WDR27: variants seen among roughly 807,000 people sequenced by gnomAD.
The protein encoded by WDR27 is WD repeat domain 27.
Under a neutral mutation model 114.4 loss-of-function variants are expected in WDR27, and 100 were observed. The observed-to-expected ratio is 0.87, with a 90% CI of 0.74 to 1.03. The LOEUF (loss-of-function observed/expected upper bound fraction) is 1.03, where lower values mean the gene tolerates loss of function less well. Among genes scored for constraint, WDR27 ranks in the 50% least tolerant of loss-of-function variants. The pLI is 0.00. For synonymous variants in WDR27, 449 were observed against 423.1 expected (o/e 1.06, Z -0.75); for missense variants, 1,129 against 1,092.9 (o/e 1.03, Z -0.47).
At chr6:169,456,060 A>C (rs1784334379), downstream of WDR27, among the ~76,000 whole-genome samples, 2 of 152,210 alleles carry the variant, frequency 1.3e-5, no homozygotes, top group South Asian at 4.1e-4. The surrounding 1 kb of genome is among the most constrained non-coding windows in gnomAD (Gnocchi z 4.0). Context: ...GAAATTAAGA[A>C]TATTAAATAA....
chr6:169,582,178 T>A (rs1239411928), intron 24 of WDR27, among the ~76,000 whole-genome samples: 2 of 152,166 alleles, frequency 1.3e-5, no homozygotes, highest in Non-Finnish European at 2.9e-5. Flanking sequence ...TTTCGCCATG[T>A]TGGCCAGGCT....
intron 2 of WDR27, among the ~76,000 whole-genome samples, chr6:169,677,899 C>T (rs9383515): frequency 0.089 from 13,569 of 152,254 alleles, 1,795 homozygotes; most frequent in East Asian, 0.6. Context: ...ATTAAGCCTG[C>T]GGGTGCACAG....
At chr6:169,603,288 T>G (rs970489178) in intron 22 of WDR27, among the ~76,000 whole-genome samples, 2 of 147,562 alleles carry the variant, frequency 1.4e-5, no homozygotes, top group Non-Finnish European at 2.9e-5. Flanking sequence ...TGAACTGTAG[T>G]GTACTACTGA....
At chr6:169,456,005 C>T (rs1288309511), downstream of WDR27, among the ~76,000 whole-genome samples, 4 of 151,990 alleles carry the variant, frequency 2.6e-5, no homozygotes, top group Admixed American at 6.6e-5. This position sits in a 1 kb window ranked among gnomAD's most constrained non-coding sequence, Gnocchi z 4.0. Flanking sequence ...AAAACCATAG[C>T]AATATGTGTC....
chr6:169,564,708 G>C (rs535636421), intron 25 of WDR27, among the ~76,000 whole-genome samples: 5 of 151,514 alleles, frequency 3.3e-5, no homozygotes, highest in Admixed American at 2.0e-4. Context: ...GCTCCCACGA[G>C]ACTCTCAGGC....
intron 25 of WDR27, among the ~76,000 whole-genome samples, chr6:169,507,726 A>G (rs1307629728): frequency 6.6e-6 from 1 of 152,234 alleles, no homozygotes; most frequent in East Asian, 1.9e-4. Context: ...AAATGGTTGA[A>G]AACACTAAAG....
intron 25 of WDR27, among the ~76,000 whole-genome samples, chr6:169,482,681 G>A (rs920981201): frequency 5.9e-5 from 9 of 152,062 alleles, no homozygotes; most frequent in Non-Finnish European, 8.8e-5. Flanking sequence ...TAGACCAAAC[G>A]GACCTGATAA....
intron 21 of WDR27, among the ~76,000 whole-genome samples, chr6:169,630,477 G>A (rs961562425): frequency 5.3e-5 from 8 of 152,174 alleles, no homozygotes; most frequent in East Asian, 3.8e-4. Context: ...ATGTCTTTGC[G>A]TGGAAGTTTC....
At chr6:169,517,049 A>G (rs3006207) in intron 25 of WDR27, among the ~76,000 whole-genome samples, 67,256 of 151,928 alleles carry the variant, frequency 0.44, 18,723 homozygotes, top group Non-Finnish European at 0.63. Flanking sequence ...GTAATCTCCA[A>G]TGTTGGAGAT....
chr6:169,654,524 T>A (rs1432060593), intron 13 of WDR27, among the ~76,000 whole-genome samples: 7 of 152,194 alleles, frequency 4.6e-5, no homozygotes, highest in Non-Finnish European at 8.8e-5. Flanking sequence ...AAGACACCTC[T>A]GTATCGTCAC....
At chr6:169,578,687 C>T (rs937613986) in intron 24 of WDR27, among the ~76,000 whole-genome samples, 10 of 152,064 alleles carry the variant, frequency 6.6e-5, no homozygotes, top group South Asian at 2.1e-4. Context: ...AACAAAGCTG[C>T]GGACAAGAAC....
At chr6:169,475,202 T>G (rs1167174643) in intron 25 of WDR27, among the ~76,000 whole-genome samples, 1 of 152,232 alleles carries the variant, frequency 6.6e-6, no homozygotes, top group Non-Finnish European at 1.5e-5. Context: ...AATATTATCC[T>G]ATATTTTCTT....
intron 4 of WDR27, 175 bp downstream of exon 4, chr6:169,670,394 G>C: frequency 1.7e-6 from 1 of 591,748 alleles, no homozygotes; most frequent in East Asian, 3.0e-5. Context: ...TGATACCAGT[G>C]GTTTTCCAAT....
chr6:169,638,745 A>G (rs1818366394), intron 17 of WDR27, 85 bp from the exon 18 acceptor site: 5 of 1,488,626 alleles, frequency 3.4e-6, no homozygotes. Flanking sequence ...ACTTTCATAC[A>G]ACACAACTGG....
At position 169,611,548 on chromosome 6, in the gene WDR27, C is replaced by T. The variant is rs142282549; in HGVS notation, c.2321+2011G>A. On this transcript the variant is annotated intron_variant, in intron 22 of 25. Coordinates refer to ENST00000448612, the MANE Select transcript of WDR27 (RefSeq NM_182552.5). ...CTCAAACTCCTGACCTCAGGTGATC[C>T]GCCCACCTCGGCCTCCCAAAGCTAA... is the stretch of plus-strand genomic sequence containing the variant. Among the ~76,000 whole-genome samples the T allele has an allele frequency of 1.3e-3, 202 of 152,050 alleles. 3 individuals are homozygous for T. In the East Asian group the frequency reaches 0.031, roughly 24 times the overall value.
intron 25 of WDR27, among the ~76,000 whole-genome samples, chr6:169,483,687 G>A (rs528226185): frequency 7.2e-4 from 109 of 151,762 alleles, no homozygotes; most frequent in Non-Finnish European, 1.4e-3. Flanking sequence ...CCAAAACATG[G>A]CAAACACAAA....
At chr6:169,599,346 T>G (rs1160917776) in intron 23 of WDR27, among the ~76,000 whole-genome samples, 1 of 152,232 alleles carries the variant, frequency 6.6e-6, no homozygotes, top group Non-Finnish European at 1.5e-5. Context: ...GTAACATCTA[T>G]AATTTAGCTG....
At chr6:169,671,078 A>T (rs1259230915) in intron 3 of WDR27, 1 of 160,900 alleles carries the variant, frequency 6.2e-6, no homozygotes, top group African/African-American at 2.4e-5. Context: ...AAGGAGTAGG[A>T]GCCTATCCAA....
Position 169,688,933 on chromosome 6 carries a change from C to T in WDR27, c.73G>A (p.Val25Ile). 6.2e-7 allele frequency: 1 copy of T among 1,613,902 alleles called. No homozygotes were observed. Among genetic ancestry groups the T allele is most frequent in the East Asian group, 2.2e-5 (1 of 44,884 alleles). The change falls in exon 2 of 26, where the codon GTT (valine) becomes ATT (isoleucine). Residue 25 changes from valine (V) to isoleucine (I), a missense_variant. By Grantham distance (29) the Val-to-Ile change is conservative (BLOSUM62 3). Coordinates refer to ENST00000448612, the MANE Select transcript of WDR27 (RefSeq NM_182552.5). ...TGAGACACAGACTCCTTGGATTCAA[C>T]CAGGTATTTTTCTATAACTATATCA... ...LSDIVIEKYL[V>I]ESKESVSHVQ...
Sources: allele counts gnomAD v4.1 joint callset (sites outside exome capture counted in the v4.1 genomes callset), GRCh38; gene constraint gnomAD v4.1.1; non-coding constraint Gnocchi (gnomAD v3.1); transcripts MANE v1.5; gene names NCBI Gene and HGNC (gene_info 2026-07-23, HGNC 2026-07-21).